Variants in LMO1 observed in about 807,000 individuals in gnomAD.
LMO1 encodes rhombotin-1.
LMO1 carries 10 observed loss-of-function variants against 18.0 expected under a neutral mutation model. That is an observed-to-expected ratio of 0.55 (90% CI 0.34 to 0.94). The LOEUF (loss-of-function observed/expected upper bound fraction) is 0.94, where lower values mean the gene tolerates loss of function less well. Ranked by LOEUF, LMO1 falls within the 40% of genes least tolerant of loss-of-function variation. The pLI, the probability that LMO1 is intolerant of heterozygous loss-of-function variation, is 0.02. For synonymous variants in LMO1, 77 were observed against 77.9 expected, an observed-to-expected ratio of 0.99 and a Z score of 0.06; for missense variants, 183 against 205.7, an observed-to-expected ratio of 0.89 and a Z score of 0.68.
intron 1 of LMO1, among the ~76,000 whole-genome samples, chr11:8,255,779 C>A (rs1847080662): frequency 1.4e-5 from 2 of 146,918 alleles, no homozygotes; most frequent in African/African-American, 5.0e-5. Context: ...GATTACACAG[C>A]AATAACTAAT....
At chr11:8,241,804 A>G (rs1052702461) in intron 1 of LMO1, among the ~76,000 whole-genome samples, 3 of 152,118 alleles carry the variant, frequency 2.0e-5, no homozygotes, top group Non-Finnish European at 4.4e-5. Context: ...AAAAAAACAA[A>G]AAAAAGTCTG....
At chr11:8,233,291 C>G (rs34619562) in intron 1 of LMO1, among the ~76,000 whole-genome samples, 11 of 152,080 alleles carry the variant, frequency 7.2e-5, no homozygotes, top group Non-Finnish European at 1.0e-4. Context: ...GAAAGGCTGG[C>G]ATCCTGGGGG....
At chr11:8,257,747 G>A (rs984050880) in intron 1 of LMO1, among the ~76,000 whole-genome samples, 12 of 152,246 alleles carry the variant, frequency 7.9e-5, no homozygotes, top group Admixed American at 2.6e-4. Flanking sequence ...TGATCTGGAC[G>A]TGGGCGAGTA....
chr11:8,260,708 G>C (rs1460367426), intron 1 of LMO1, among the ~76,000 whole-genome samples: 1 of 152,066 alleles, frequency 6.6e-6, no homozygotes, highest in Non-Finnish European at 1.5e-5. Flanking sequence ...AGCAGAGCGG[G>C]AGCTTTGGTC....
chr11:8,230,672 G>A (rs940436688), intron 1 of LMO1, among the ~76,000 whole-genome samples, 168 bp from the exon 2 acceptor site: 12 of 152,138 alleles, frequency 7.9e-5, no homozygotes, highest in African/African-American at 2.9e-4. Context: ...CCCTGGCTCC[G>A]GGTCCTGCCC....
chr11:8,268,413 C>T (rs1250238043), upstream of LMO1: 10 of 1,468,312 alleles, frequency 6.8e-6, no homozygotes, highest in African/African-American at 4.4e-5. Context: ...CGGCACCGGG[C>T]GCCGGGCACC....
chr11:8,229,492 C>A (rs939584980), intron 2 of LMO1, among the ~76,000 whole-genome samples: 1 of 152,228 alleles, frequency 6.6e-6, no homozygotes, highest in African/African-American at 2.4e-5. Context: ...TGCGACAGAG[C>A]CAAATGCAGG....
upstream of LMO1, among the ~76,000 whole-genome samples, chr11:8,265,457 G>T (rs945078406): frequency 6.6e-6 from 1 of 151,992 alleles, no homozygotes; most frequent in Non-Finnish European, 1.5e-5. Context: ...GGGAAGTCAG[G>T]CTTTGAGAAA....
chr11:8,268,415 C>T (rs901826831), upstream of LMO1: 63 of 1,469,038 alleles, frequency 4.3e-5, no homozygotes, highest in Non-Finnish European at 5.5e-5. Context: ...GCACCGGGCG[C>T]CGGGCACCTA....
In LMO1 at chr11:8,263,341, C is replaced by T. The variant is rs367611611; in HGVS notation, c.22G>A (p.Asp8Asn). 1.5e-4 allele frequency: 245 copies of T among 1,602,244 alleles called. No homozygotes were observed. Among genetic ancestry groups the T allele is most frequent in the East Asian group, 2.5e-4 (11 of 44,356 alleles). The change falls in exon 1 of 4, where the codon GAC becomes AAC. Residue 8 changes from aspartate (D) to asparagine (N), a missense_variant. By Grantham distance (23) the Asp-to-Asn change is conservative (BLOSUM62 1). Transcript: ENST00000335790. ...GAGACCCCGGCCCGCCACCTACCGT[C>T]CTCCTTGTCCAGCACCATCATCTCG... MMVLDKE[D>N]GVPMLSVQPK...
chr11:8,230,193 A>C, intron 2 of LMO1, 98 bp downstream of exon 2: 1 of 1,028,358 alleles, frequency 9.7e-7, no homozygotes, highest in Non-Finnish European at 1.5e-6. Flanking sequence ...CACACAGGGT[A>C]CTGGGTCTAG....
rs774615420 is a variant in LMO1 at position 8,230,502 on chromosome 11, C to T, written c.28G>A (p.Val10Met). MMVLDKEDGVPMLSVQPKGK... is the reference protein window; with the variant it reads MMVLDKEDGMPMLSVQPKGK... ...TTGGGCTGGACGGAGAGCATCGGCA[C>T]GCCTGCAGACGGACAGACAGACAGC... is the stretch of plus-strand genomic sequence containing the variant. Residue 10 changes from valine (V) to methionine (M), a missense_variant and splice_region_variant, in exon 2 of 4, where the codon GTG (valine) becomes ATG (methionine). Val to Met is a conservative substitution (Grantham distance 21). Transcript: ENST00000335790. 37 of 1,610,850 alleles carry T rather than the reference C, an allele frequency of 2.3e-5. No individual in the cohort carries two copies. Among genetic ancestry groups the T allele is most frequent in the Non-Finnish European group, 2.9e-5 (34 of 1,179,830 alleles).
chr11:8,262,068 A>G (rs1028276917), intron 1 of LMO1, among the ~76,000 whole-genome samples: 1 of 152,180 alleles, frequency 6.6e-6, no homozygotes, highest in African/African-American at 2.4e-5. Context: ...CAATGCGAAC[A>G]TCCTGTGTGA....
At chr11:8,251,902 T>G (rs1847004572) in intron 1 of LMO1, among the ~76,000 whole-genome samples, 1 of 51,618 alleles carries the variant, frequency 1.9e-5, no homozygotes, top group Admixed American at 3.1e-4. Flanking sequence ...TGTATGGGAG[T>G]GTGTGGTGGG....
chr11:8,230,633 GCCCTCGCTTTCT>G, intron 1 of LMO1, 129 bp from the exon 2 acceptor site: 1 of 934,000 alleles, frequency 1.1e-6, no homozygotes, highest in Non-Finnish European at 1.6e-6. Flanking sequence ...GCTCCCAGGA[GCCCTCGCTTTCT>G]CCCCAATAAC....
chr11:8,263,399 C>G lies in LMO1; in HGVS notation c.-37G>C. ...CGTGTCCAGCCGCAGCTAGGCTCGG[C>G]CGGGAGAAGGGCGCCGACTCGGGGC... On this transcript the variant is annotated 5_prime_UTR_variant, in exon 1 of 4. Transcript: ENST00000335790. The G allele has an allele frequency of 6.3e-7, 1 of 1,597,128 alleles. No homozygotes were observed. The highest frequency in any genetic ancestry group is 8.5e-7 in the Non-Finnish European group (1 of 1,175,916).
chr11:8,268,712 C>G, upstream of LMO1: 1 of 240,044 alleles, frequency 4.2e-6, no homozygotes, highest in Non-Finnish European at 8.0e-6. Context: ...AGCAGCTGCC[C>G]GGGCCGGGCC....
chr11:8,268,433 C>T (rs997449253), upstream of LMO1: 5 of 1,469,944 alleles, frequency 3.4e-6, no homozygotes, highest in Non-Finnish European at 4.5e-6. Context: ...CTACCGTCCT[C>T]CTGGTCCAAC....
In LMO1 at chr11:8,238,315, T is replaced by C. The variant is rs369204986; in HGVS notation, c.26-7811A>G. On this transcript the variant is annotated intron_variant, in intron 1 of 3. Transcript: ENST00000335790. The stretch of plus-strand genomic sequence containing the variant: ...AAGAAGCTAGACACAAAAAGGTACA[T>C]ACTGTATAATTTCATTTATATGTAG... 2.8e-4 allele frequency among the ~76,000 whole-genome samples: 43 copies of C among 152,318 alleles called. No individual in the cohort carries two copies. The South Asian group carries it at 8.5e-3, about 30-fold the overall frequency.
Sources: gnomAD v4.1 joint callset for allele counts (sites outside exome capture counted in the v4.1 genomes callset) on GRCh38, gnomAD v4.1.1 for gene constraint, MANE v1.5 for transcripts, NCBI Gene and HGNC (gene_info 2026-07-23, HGNC 2026-07-21) for gene names.